CERT1: variants seen among roughly 807,000 people sequenced by gnomAD.
CERT1 encodes ceramide transporter 1.
In CERT1, 31 loss-of-function variants were observed where a neutral mutation model predicts 87.9. That is an observed-to-expected ratio of 0.35 (90% CI 0.27 to 0.48). The LOEUF (loss-of-function observed/expected upper bound fraction) is 0.48, where lower values mean the gene tolerates loss of function less well. CERT1 is among the 20% of genes least tolerant of loss of function. The pLI, the probability that CERT1 is intolerant of heterozygous loss-of-function variation, is 0.99. For missense variants in CERT1, 487 were observed against 758.0 expected (o/e 0.64, Z 4.20); for synonymous variants, 289 against 250.9 (o/e 1.15, Z -1.44).
chr5:75,483,809 C>G (rs920824955), intron 2 of CERT1, among the ~76,000 whole-genome samples: 1 of 151,860 alleles, frequency 6.6e-6, no homozygotes, highest in Non-Finnish European at 1.5e-5. Flanking sequence ...AACACTAGAC[C>G]TGTCTTGTAA....
rs566463627 is a variant in CERT1 at position 75,477,757 on chromosome 5, T to TA, written c.232-18577dup. ...ATTTTAATAAGCAAGTTTGTATATA[T>TA]AAAAAAAATCACATCAAGGATTAAC... On this transcript the variant is annotated intron_variant, in intron 2 of 16. Coordinates refer to ENST00000643780, the MANE Select transcript of CERT1 (RefSeq NM_001379029.1). 2.0e-3 allele frequency among the ~76,000 whole-genome samples: 299 copies of TA among 151,184 alleles called. 2 individuals are homozygous for TA. The highest frequency in any genetic ancestry group is 3.7e-3 in the South Asian group (18 of 4,802).
chr5:75,415,463 G>A (rs562159294), intron 7 of CERT1, among the ~76,000 whole-genome samples: 163 of 152,216 alleles, frequency 1.1e-3, no homozygotes, highest in Non-Finnish European at 1.9e-3. Context: ...AAGAGAACTG[G>A]TAAGATTAAC....
At chr5:75,408,406 C>T (rs1164451791) in intron 8 of CERT1, among the ~76,000 whole-genome samples, 1 of 152,110 alleles carries the variant, frequency 6.6e-6, no homozygotes, top group Non-Finnish European at 1.5e-5. Flanking sequence ...ATGTTCAGAC[C>T]TTCTCCCTGT....
chr5:75,419,976 GTTC>G (rs1424992865), intron 5 of CERT1, among the ~76,000 whole-genome samples: 7 of 150,530 alleles, frequency 4.7e-5, no homozygotes, highest in African/African-American at 1.7e-4. Flanking sequence ...TCTAAGAGTT[GTTC>G]TTTTTTTTTT....
intron 2 of CERT1, among the ~76,000 whole-genome samples, chr5:75,478,386 A>T (rs1396434887): frequency 6.6e-6 from 1 of 152,168 alleles, no homozygotes; most frequent in Non-Finnish European, 1.5e-5. Context: ...ATCAAATTTT[A>T]GATATCTGAA....
rs558798471 is a variant in CERT1, at chr5:75,507,481, T to C, written c.97-1365A>G. ...CTCACCCAAGCCAACATTTAACTCA[T>C]TCTAGTGGCTCCCAATCACCATTTC... On this transcript the variant is annotated intron_variant, in intron 1 of 16. Transcript: ENST00000643780. Among the ~76,000 whole-genome samples, 362 of 152,276 alleles carry C rather than the reference T, an allele frequency of 2.4e-3. 2 individuals are homozygous for C. The highest frequency in any genetic ancestry group is 5.6e-3 in the Admixed American group (85 of 15,294).
chr5:75,379,281 T>C lies in CERT1; in HGVS notation c.*65A>G. 7.4e-7 allele frequency: 1 copy of C among 1,349,910 alleles called. No homozygotes were observed. The highest frequency in any genetic ancestry group is 1.0e-6 in the Non-Finnish European group (1 of 967,608). The allele number at this position is 1,349,910 out of a possible 1,614,324, so 83.6% of individuals were successfully genotyped here. On this transcript the variant is annotated 3_prime_UTR_variant, in exon 17 of 17. Transcript: ENST00000643780. ...ACTTTCAACAACTAAATTTTAGTATTGACAGTCATATTAGTCAAATAAAGT... is the reference window on the plus strand; with the variant it reads ...ACTTTCAACAACTAAATTTTAGTATCGACAGTCATATTAGTCAAATAAAGT...
intron 2 of CERT1, among the ~76,000 whole-genome samples, chr5:75,483,410 A>G (rs991244581): frequency 6.6e-6 from 1 of 152,218 alleles, no homozygotes; most frequent in Non-Finnish European, 1.5e-5. Context: ...GGCAACTCTA[A>G]GAGTCACTGG....
At chr5:75,411,763 A>ACTTCCC (rs1358593783) in intron 7 of CERT1, among the ~76,000 whole-genome samples, 2 of 152,186 alleles carry the variant, frequency 1.3e-5, no homozygotes, top group Non-Finnish European at 2.9e-5. Flanking sequence ...ACATTCTTAT[A>ACTTCCC]CTTCCCCTTC....
In CERT1 at chr5:75,411,052, C is replaced by A; in HGVS notation, c.889G>T (p.Glu297Ter). 1 of 1,595,590 alleles carries A rather than the reference C, an allele frequency of 6.3e-7. No individual in the cohort carries two copies. Among genetic ancestry groups the A allele is most frequent in the South Asian group, 1.1e-5 (1 of 87,730 alleles). The change falls in exon 8 of 17, where the codon GAA (glutamate) becomes TAA (stop). Residue 297 changes from glutamate (E) to a stop codon, truncating the protein, a stop_gained. Coordinates refer to ENST00000643780, the MANE Select transcript of CERT1 (RefSeq NM_001379029.1). LOFTEE classifies it high-confidence loss of function. ...CCAAAGTGGGATTTTTTCTTAAGTT[C>A]TGTCATTGCATTTTTATATGCTTCC... is the stretch of plus-strand genomic sequence containing the variant. ...TEEAYKNAMT[E>*]LKKKSHFGGP...
At chr5:75,459,660 T>A (rs1014324629) in intron 2 of CERT1, among the ~76,000 whole-genome samples, 2 of 151,936 alleles carry the variant, frequency 1.3e-5, no homozygotes, top group Non-Finnish European at 2.9e-5. Flanking sequence ...ATTTTTAAAA[T>A]TTTTTAAAAA....
Position 75,467,764 on chromosome 5 carries a change from C to T in CERT1, c.232-8583G>A, listed in dbSNP as rs560516919. Among the ~76,000 whole-genome samples the T allele has an allele frequency of 5.3e-5, 8 of 151,566 alleles. No individual in the cohort carries two copies. The South Asian group carries it at 1.7e-3, about 32-fold the overall frequency. ...AGTGATAAATTTGCATAGAACTACA[C>T]AGATGCACAGATGAGTATATGTAAA... On this transcript the variant is annotated intron_variant, in intron 2 of 16. Transcript: ENST00000643780.
intron 2 of CERT1, among the ~76,000 whole-genome samples, chr5:75,472,610 GAACA>G (rs1354072308): frequency 6.6e-6 from 1 of 151,990 alleles, no homozygotes; most frequent in Non-Finnish European, 1.5e-5. Context: ...ACAAACACCT[GAACA>G]AACATTTCTC....
In CERT1 at chr5:75,464,003, C is replaced by T. The variant is rs576087301; in HGVS notation, c.232-4822G>A. 5.3e-5 allele frequency among the ~76,000 whole-genome samples: 8 copies of T among 152,160 alleles called. No individual in the cohort carries two copies. In the East Asian group the frequency reaches 9.7e-4, roughly 18 times the overall value. Reference sequence around the variant, plus strand: ...CCTGGGAGGCCTGATGGTTGGCTTCCTGAGAAAGGAATTCAGATAAGACAA... The same window carrying T: ...CCTGGGAGGCCTGATGGTTGGCTTCTTGAGAAAGGAATTCAGATAAGACAA... On this transcript the variant is annotated intron_variant, in intron 2 of 16. Coordinates refer to ENST00000643780, the MANE Select transcript of CERT1 (RefSeq NM_001379029.1).
At chr5:75,407,232 T>C (rs1238621765) in intron 8 of CERT1, among the ~76,000 whole-genome samples, 1 of 152,042 alleles carries the variant, frequency 6.6e-6, no homozygotes, top group Non-Finnish European at 1.5e-5. Context: ...TGGAATAAAA[T>C]AGGTTTCTAT....
chr5:75,424,303 C>T (rs946289606), intron 5 of CERT1, among the ~76,000 whole-genome samples: 4 of 151,838 alleles, frequency 2.6e-5, no homozygotes, highest in Admixed American at 6.6e-5. Context: ...GAGAGGGGGC[C>T]GAGCGCGGTG....
At chr5:75,495,827 G>A (rs1384188994) in intron 2 of CERT1, among the ~76,000 whole-genome samples, 2 of 151,864 alleles carry the variant, frequency 1.3e-5, no homozygotes, top group South Asian at 2.1e-4. Flanking sequence ...GCTAAATGAC[G>A]AGTTAATGGG....
intron 3 of CERT1, among the ~76,000 whole-genome samples, chr5:75,436,521 T>C (rs979422350): frequency 2.6e-5 from 4 of 152,198 alleles, no homozygotes; most frequent in Admixed American, 6.5e-5. Flanking sequence ...TCCCTTTCCC[T>C]TTCCTTTCTT....
chr5:75,426,467 T>C lies in CERT1; in HGVS notation c.360A>G (p.Gly120=), dbSNP rs2112187796. The change falls in exon 4 of 17, where the codon GGA becomes GGG. Residue 120 remains glycine (G), a synonymous_variant. Coordinates refer to ENST00000643780, the MANE Select transcript of CERT1 (RefSeq NM_001379029.1). ...GACGCAAGCTGGATTCAGATCCATA[T>C]CCAGATTCAGTCTAAAAAAAAAAGT... ...DAIEQHKTES[G]YGSESSLRRH... 1.9e-6 allele frequency: 3 copies of C among 1,610,738 alleles called. No individual in the cohort carries two copies. The highest frequency in any genetic ancestry group is 1.7e-6 in the Non-Finnish European group (2 of 1,177,800).
Sources: gnomAD v4.1 joint callset for allele counts (sites outside exome capture counted in the v4.1 genomes callset) on GRCh38, gnomAD v4.1.1 for gene constraint, MANE v1.5 for transcripts, NCBI Gene and HGNC (gene_info 2026-07-23, HGNC 2026-07-21) for gene names.